The following LRRC38 variants were observed in gnomAD, a reference collection of about 807,000 sequenced individuals.
The protein encoded by LRRC38 is leucine-rich repeat-containing protein 38.
In LRRC38, 5 loss-of-function variants were observed where a neutral mutation model predicts 16.4. That is an observed-to-expected ratio of 0.31 (90% CI 0.16 to 0.64). LRRC38 has a LOEUF of 0.64. Among genes scored for constraint, LRRC38 ranks in the 30% least tolerant of loss-of-function variants. The pLI, the probability that LRRC38 is intolerant of heterozygous loss-of-function variation, is 0.80. For missense variants in LRRC38, 341 were observed against 401.8 expected (o/e 0.85, Z 1.29); for synonymous variants, 191 against 190.2 (o/e 1.00, Z -0.04).
rs114835038 is a variant in LRRC38, at chr1:13,502,504, G to T, written c.631+10459C>A. ...ACACACAAATGAACTCTGGAGCCGG[G>T]GTTTCCCATCAGCAAGCAGTTCTTG... On this transcript the variant is annotated intron_variant, in intron 1 of 1. Transcript: ENST00000376085. Among the ~76,000 whole-genome samples, 1,225 of 152,192 alleles carry T rather than the reference G, an allele frequency of 8.0e-3. 10 individuals carry two copies. Among genetic ancestry groups the T allele is most frequent in the Admixed American group, 0.015 (225 of 15,296 alleles).
chr1:13,479,652 C>T (rs921195297), intron 1 of LRRC38, among the ~76,000 whole-genome samples: 6 of 152,148 alleles, frequency 3.9e-5, no homozygotes, highest in African/African-American at 1.2e-4. Flanking sequence ...GACTTTAGAA[C>T]GGCAGTGCTT....
intron 1 of LRRC38, among the ~76,000 whole-genome samples, chr1:13,510,006 C>A (rs1051386157): frequency 6.6e-6 from 1 of 152,172 alleles, no homozygotes; most frequent in Non-Finnish European, 1.5e-5. Context: ...GCTCCCCTGG[C>A]GATTCTCATG....
At chr1:13,508,658 C>T (rs1047667110) in intron 1 of LRRC38, among the ~76,000 whole-genome samples, 6 of 152,208 alleles carry the variant, frequency 3.9e-5, no homozygotes, top group Admixed American at 6.5e-5. Context: ...AGTCTAATAA[C>T]AGGAGCCTGT....
chr1:13,502,528 T>A (rs1425055689), intron 1 of LRRC38, among the ~76,000 whole-genome samples: 2 of 152,200 alleles, frequency 1.3e-5, no homozygotes, highest in Admixed American at 6.5e-5. Context: ...AAGCAGTTCT[T>A]GTGGCCTGGA....
chr1:13,487,544 G>A lies in LRRC38; in HGVS notation c.632-11445C>T, dbSNP rs903723889. On this transcript the variant is annotated intron_variant, in intron 1 of 1. Coordinates refer to ENST00000376085, the MANE Select transcript of LRRC38 (RefSeq NM_001010847.2). This position sits in a 1 kb window ranked among gnomAD's most constrained non-coding sequence, Gnocchi z 4.4. Reference sequence around the variant, plus strand: ...CACAGCGCCCTCCCCTTATAACCACGACTTCCTTCTCTTCCAGGGCACATT... The same window carrying A: ...CACAGCGCCCTCCCCTTATAACCACAACTTCCTTCTCTTCCAGGGCACATT... Among the ~76,000 whole-genome samples the A allele has an allele frequency of 2.0e-5, 3 of 152,128 alleles. No individual in the cohort carries two copies. Among genetic ancestry groups the A allele is most frequent in the South Asian group, 2.1e-4 (1 of 4,824 alleles).
intron 1 of LRRC38, among the ~76,000 whole-genome samples, chr1:13,481,651 T>C (rs1002261593): frequency 3.9e-5 from 6 of 152,084 alleles, no homozygotes; most frequent in African/African-American, 1.4e-4. Flanking sequence ...CGCCTTGGCC[T>C]CCCAAAGTAC....
chr1:13,509,814 C>T (rs1004107084), intron 1 of LRRC38, among the ~76,000 whole-genome samples: 4 of 152,324 alleles, frequency 2.6e-5, no homozygotes, highest in South Asian at 4.1e-4. Context: ...GGACAGGCAA[C>T]TTATACACAG....
chr1:13,476,281 T>A (rs1638788503), intron 1 of LRRC38, among the ~76,000 whole-genome samples, 182 bp from the exon 2 acceptor site: 1 of 151,594 alleles, frequency 6.6e-6, no homozygotes, highest in Non-Finnish European at 1.5e-5. Flanking sequence ...CTTAGAGTGA[T>A]CACCATGGGA....
At chr1:13,501,748 C>G (rs998551089) in intron 1 of LRRC38, among the ~76,000 whole-genome samples, 1 of 150,828 alleles carries the variant, frequency 6.6e-6, no homozygotes, top group Non-Finnish European at 1.5e-5. Flanking sequence ...TGCGCGCCAC[C>G]ATGCCCGGCT....
chr1:13,485,967 C>T (rs1337114209), intron 1 of LRRC38, among the ~76,000 whole-genome samples: 3 of 152,202 alleles, frequency 2.0e-5, no homozygotes, highest in Non-Finnish European at 2.9e-5. Flanking sequence ...GAGTCTCGCT[C>T]TGTCACCCTC....
At chr1:13,510,412 C>T (rs1334770988) in intron 1 of LRRC38, among the ~76,000 whole-genome samples, 1 of 152,192 alleles carries the variant, frequency 6.6e-6, no homozygotes, top group Non-Finnish European at 1.5e-5. Context: ...AATTAAAACA[C>T]TTACATAGTA....
chr1:13,490,236 G>A (rs1020086877), intron 1 of LRRC38, among the ~76,000 whole-genome samples: 3 of 152,052 alleles, frequency 2.0e-5, no homozygotes, highest in Non-Finnish European at 4.4e-5. Flanking sequence ...CTGGCTCACT[G>A]TAACCTCCGC....
intron 1 of LRRC38, among the ~76,000 whole-genome samples, chr1:13,478,230 A>C (rs543092549): frequency 3.9e-4 from 60 of 152,370 alleles, no homozygotes; most frequent in African/African-American, 1.4e-3. Flanking sequence ...AGAAGAGAAA[A>C]ATAAATAAAG....
intron 1 of LRRC38, among the ~76,000 whole-genome samples, chr1:13,479,028 T>C (rs1638820787): frequency 6.6e-6 from 1 of 152,204 alleles, no homozygotes; most frequent in Non-Finnish European, 1.5e-5. Context: ...ATTACTGTTT[T>C]TGACTGTTTC....
Position 13,513,357 on chromosome 1 carries a change from G to A in LRRC38, c.237C>T (p.Tyr79=), listed in dbSNP as rs758192768. Residue 79 remains tyrosine (Y), a synonymous_variant, in exon 1 of 2, where the codon TAC becomes TAT. Transcript: ENST00000376085. The part of the protein sequence containing the change: ...QRIPEDFFIF[Y]GDLVYLDFRN... ...TGAAGTCCAGGTAGACCAGGTCGCC[G>A]TAGAAGATGAAGAAGTCCTCGGGGA... 8.4e-6 allele frequency: 13 copies of A among 1,550,860 alleles called. No homozygotes were observed. In the South Asian group the frequency reaches 1.3e-4, roughly 16 times the overall value.
chr1:13,495,190 G>A (rs1411362644), intron 1 of LRRC38, among the ~76,000 whole-genome samples: 2 of 152,202 alleles, frequency 1.3e-5, no homozygotes, highest in Non-Finnish European at 2.9e-5. Context: ...ATGAGCTGGT[G>A]ACATACACGG....
chr1:13,505,441 G>T (rs771926675), intron 1 of LRRC38, among the ~76,000 whole-genome samples: 1 of 152,284 alleles, frequency 6.6e-6, no homozygotes, highest in African/African-American at 2.4e-5. Flanking sequence ...CCACCGAGGG[G>T]TATTTGCTGA....
intron 1 of LRRC38, among the ~76,000 whole-genome samples, chr1:13,506,854 G>A (rs1223814796): frequency 6.6e-6 from 1 of 152,238 alleles, no homozygotes; most frequent in East Asian, 1.9e-4. Context: ...CAAGATGCTA[G>A]GACAGCAGGA....
chr1:13,482,558 C>T (rs1638882411), intron 1 of LRRC38, among the ~76,000 whole-genome samples: 1 of 148,106 alleles, frequency 6.8e-6, no homozygotes, highest in Non-Finnish European at 1.5e-5. Flanking sequence ...CCAGCTTGCG[C>T]TACCGAATAA....
Sources: allele counts gnomAD v4.1 joint callset (sites outside exome capture counted in the v4.1 genomes callset), GRCh38; gene constraint gnomAD v4.1.1; non-coding constraint Gnocchi (gnomAD v3.1); transcripts MANE v1.5; gene names NCBI Gene and HGNC (gene_info 2026-07-23, HGNC 2026-07-21).